DSC2: variants seen among roughly 807,000 people sequenced by gnomAD.
DSC2 encodes desmocollin-2.
DSC2 carries 51 observed loss-of-function variants against 87.6 expected under a neutral mutation model. That is an observed-to-expected ratio of 0.58 (90% CI 0.46 to 0.74). The LOEUF (loss-of-function observed/expected upper bound fraction) is 0.74. DSC2 is among the 30% of genes least tolerant of loss of function. The pLI is 0.00. For synonymous variants in DSC2, 383 were observed against 393.2 expected, an observed-to-expected ratio of 0.97 and a Z score of 0.31; for missense variants, 1,066 against 1,089.5, an observed-to-expected ratio of 0.98 and a Z score of 0.30.
chr18:31,085,668 C>T (rs908237783), intron 7 of DSC2, among the ~76,000 whole-genome samples: 1 of 151,770 alleles, frequency 6.6e-6, no homozygotes, highest in African/African-American at 2.4e-5. Flanking sequence ...AGAACCTCTA[C>T]CCTAATCCAT....
intron 4 of DSC2, among the ~76,000 whole-genome samples, chr18:31,090,794 T>C (rs1987567022): frequency 6.6e-6 from 1 of 152,184 alleles, no homozygotes. Flanking sequence ...TGACAATTCA[T>C]TAAGGAACCA....
intron 1 of DSC2, among the ~76,000 whole-genome samples, chr18:31,097,478 A>T (rs748975428): frequency 2.6e-5 from 4 of 151,760 alleles, no homozygotes; most frequent in African/African-American, 7.3e-5. Context: ...TACTAAGTTA[A>T]ATTACAAATT....
intron 1 of DSC2, 74 bp downstream of exon 1, chr18:31,101,829 C>T (rs1987970244): frequency 1.4e-6 from 2 of 1,458,852 alleles, no homozygotes; most frequent in Non-Finnish European, 1.8e-6. Flanking sequence ...CCACCTATCC[C>T]CGTTCCCCTA....
chr18:31,089,561 A>G lies in DSC2; in HGVS notation c.508T>C (p.Tyr170His), dbSNP rs1484093917. The G allele has an allele frequency of 1.2e-6, 2 of 1,613,984 alleles. No individual in the cohort carries two copies. The highest frequency in any genetic ancestry group is 1.7e-6 in the Non-Finnish European group (2 of 1,179,920). The stretch of plus-strand genomic sequence containing the variant: ...ACTCCAGGACCTCTTATGGAATAGT[A>G]TATGGTATAGTTTTGGGCCGTGTCA... ...QSDTAQNYTI[Y>H]YSIRGPGVDQ... is the part of the protein sequence containing the mutation. The change falls in exon 5 of 16, where the codon TAC (tyrosine) becomes CAC (histidine). Residue 170 changes from tyrosine to histidine, a missense_variant. Transcript: ENST00000280904.
In DSC2 at chr18:31,092,122, G is replaced by A; in HGVS notation, c.333C>T (p.Val111=). Residue 111 remains valine (V), a synonymous_variant, in exon 3 of 16, where the codon GTC becomes GTT. Coordinates refer to ENST00000280904, the MANE Select transcript of DSC2 (RefSeq NM_024422.6). Reference sequence around the variant, plus strand: ...ATACCTTTGTTTGATGCTCCAAAAAGACAAATATTTTCTTCTTTTCTTGGT... The same window carrying A: ...ATACCTTTGTTTGATGCTCCAAAAAAACAAATATTTTCTTCTTTTCTTGGT... ...TENQEKKKIF[V]FLEHQTKVLK... 1 of 1,612,802 alleles carries A rather than the reference G, an allele frequency of 6.2e-7. No individual in the cohort carries two copies. The highest frequency in any genetic ancestry group is 1.1e-5 in the South Asian group (1 of 90,980).
intron 1 of DSC2, among the ~76,000 whole-genome samples, chr18:31,098,381 G>C (rs1406020199): frequency 6.6e-6 from 1 of 152,070 alleles, no homozygotes; most frequent in Admixed American, 6.5e-5. Context: ...TCGATCATGT[G>C]ATATCTATCA....
At chr18:31,081,111 T>A (rs1171568150) in intron 9 of DSC2, among the ~76,000 whole-genome samples, 1 of 152,190 alleles carries the variant, frequency 6.6e-6, no homozygotes, top group Non-Finnish European at 1.5e-5. Flanking sequence ...AAAATAAATT[T>A]TAGGACAGCT....
At chr18:31,071,927 A>G (rs1473840076) in intron 12 of DSC2, 86 bp from the exon 13 acceptor site, 5 of 1,213,436 alleles carry the variant, frequency 4.1e-6, no homozygotes, top group African/African-American at 1.5e-5. Flanking sequence ...AGATAGTTAT[A>G]TTTTCCTAGA....
At chr18:31,097,239 G>GATC (rs1318866099) in intron 1 of DSC2, among the ~76,000 whole-genome samples, 2 of 149,312 alleles carry the variant, frequency 1.3e-5, no homozygotes, top group African/African-American at 2.5e-5. Context: ...AGTGAGCAGA[G>GATC]ATCACGCCAC....
Position 31,079,933 on chromosome 18 carries a change from G to C in DSC2, c.1577C>G (p.Ser526Ter), listed in dbSNP as rs887847751. The change falls in exon 11 of 16, where the codon TCA (serine) becomes TGA (stop). Residue 526 changes from serine (S) to a stop codon, truncating the protein, a stop_gained. Coordinates refer to ENST00000280904, the MANE Select transcript of DSC2 (RefSeq NM_024422.6). LOFTEE classifies it high-confidence loss of function. ...GWVTIDENTG[S>*]IKVFRSLDRE... Reference sequence around the variant, plus strand: ...ATCCAGGCTTCTGAAAACTTTGATTGATCCTGTATTTTCATCAATGGTGAC... The same window carrying C: ...ATCCAGGCTTCTGAAAACTTTGATTCATCCTGTATTTTCATCAATGGTGAC... The C allele has an allele frequency of 6.2e-7, 1 of 1,613,922 alleles. No homozygotes were observed. Among genetic ancestry groups the C allele is most frequent in the Non-Finnish European group, 8.5e-7 (1 of 1,179,916 alleles).
In DSC2 at chr18:31,066,022, C is replaced by A. The variant is rs547130799; in HGVS notation, c.*1993G>T. ...TATCAGGAGTGCCTTTTAGGTGGAC[C>A]GCTCTGTATGACTCTCATGCTTCAA... On this transcript the variant is annotated 3_prime_UTR_variant, in exon 16 of 16. Coordinates refer to ENST00000280904, the MANE Select transcript of DSC2 (RefSeq NM_024422.6). 1 of 151,944 alleles carries A rather than the reference C, an allele frequency of 6.6e-6. No individual in the cohort carries two copies. Among genetic ancestry groups the A allele is most frequent in the Non-Finnish European group, 1.5e-5 (1 of 67,988 alleles). The allele number at this position is 151,944 out of a possible 1,614,324, so 9.4% of individuals were successfully genotyped here.
intron 1 of DSC2, among the ~76,000 whole-genome samples, chr18:31,097,721 G>A (rs1987807734): frequency 6.6e-6 from 1 of 151,834 alleles, no homozygotes; most frequent in Non-Finnish European, 1.5e-5. Context: ...TGGAAAAGAA[G>A]AGGCAAAACA....
chr18:31,101,491 G>GCAC (rs1987949009), intron 1 of DSC2: 2 of 77,178 alleles, frequency 2.6e-5, no homozygotes, highest in African/African-American at 2.4e-4. Context: ...CGTTCCCGGG[G>GCAC]AAGGTGCCAG....
chr18:31,092,418 A>G (rs1244157816), intron 2 of DSC2, 118 bp from the exon 3 acceptor site: 1 of 827,802 alleles, frequency 1.2e-6, no homozygotes, highest in African/African-American at 1.7e-5. Context: ...GACACTTGTA[A>G]ATTTTTGAAA....
intron 8 of DSC2, among the ~76,000 whole-genome samples, chr18:31,082,701 G>A (rs2144820344): frequency 6.6e-6 from 1 of 152,140 alleles, no homozygotes; most frequent in East Asian, 1.9e-4. Flanking sequence ...GGGATTACAG[G>A]TGCCTGTCAC....
chr18:31,088,832 A>G (rs993007550), intron 5 of DSC2, among the ~76,000 whole-genome samples: 14 of 152,040 alleles, frequency 9.2e-5, no homozygotes, highest in Admixed American at 2.6e-4. Context: ...ATATCTCCAT[A>G]CTATAAAGAG....
At chr18:31,084,788 T>C (rs565607896) in intron 7 of DSC2, among the ~76,000 whole-genome samples, 2 of 152,220 alleles carry the variant, frequency 1.3e-5, no homozygotes, top group African/African-American at 2.4e-5. Flanking sequence ...AAACAACTAT[T>C]TGTTGCCAAT....
At chr18:31,074,017 C>T (rs916329582) in intron 12 of DSC2, among the ~76,000 whole-genome samples, 3 of 152,196 alleles carry the variant, frequency 2.0e-5, no homozygotes, top group African/African-American at 7.2e-5. Context: ...CAGCACCTTC[C>T]GGGATTGTGC....
rs1986660623 is a variant in DSC2, at chr18:31,067,438, A to G, written c.*577T>C. ...ACAGATTCAGTGCAGGATTTTATATACAATAAAACCTAAAACTAAACTCCA... is the reference window on the plus strand; with the variant it reads ...ACAGATTCAGTGCAGGATTTTATATGCAATAAAACCTAAAACTAAACTCCA... On this transcript the variant is annotated 3_prime_UTR_variant, in exon 16 of 16. Coordinates refer to ENST00000280904, the MANE Select transcript of DSC2 (RefSeq NM_024422.6). The G allele has an allele frequency of 6.6e-6, 1 of 152,660 alleles. No homozygotes were observed. Among genetic ancestry groups the G allele is most frequent in the Non-Finnish European group, 1.5e-5 (1 of 68,408 alleles). 9.5% of individuals were successfully genotyped at this position (152,660 alleles called of 1,614,324 possible).
Sources: gnomAD v4.1 joint callset for allele counts (sites outside exome capture counted in the v4.1 genomes callset) on GRCh38, gnomAD v4.1.1 for gene constraint, MANE v1.5 for transcripts, NCBI Gene and HGNC (gene_info 2026-07-23, HGNC 2026-07-21) for gene names.